DPP9: variants seen among roughly 807,000 people sequenced by gnomAD.
The protein encoded by DPP9 is dipeptidyl peptidase 9.
In DPP9, 50 loss-of-function variants were observed where a neutral mutation model predicts 110.7. That is an observed-to-expected ratio of 0.45 (90% confidence interval 0.36 to 0.57). The LOEUF is 0.57. Ranked by LOEUF, DPP9 falls within the 20% of genes least tolerant of loss-of-function variation. The probability of loss-of-function intolerance (pLI) is 0.00; values close to 1 mark genes in which losing one functional copy is unlikely to be tolerated. For synonymous variants in DPP9, 561 were observed against 514.4 expected, an observed-to-expected ratio of 1.09 and a Z score of -1.23; for missense variants, 1,022 against 1,217.9, an observed-to-expected ratio of 0.84 and a Z score of 2.39.
At position 4,694,788 on chromosome 19, in the gene DPP9, C is replaced by T; in HGVS notation, c.1389G>A (p.Glu463=). 1 of 1,613,900 alleles carries T rather than the reference C, an allele frequency of 6.2e-7. No homozygotes were observed. ...GGAGAAAGCAGAGCTCGTCCTCTCC[C>T]TCTGATTGGGGGAAGGGATAGAAGA... The part of the protein sequence containing the change: ...HDIFYPFPQS[E]GEDELCFLRA... Residue 463 remains glutamate (E), a synonymous_variant, in exon 13 of 22, where the codon GAG becomes GAA. Coordinates refer to ENST00000262960, the MANE Select transcript of DPP9 (RefSeq NM_139159.5). This position sits in a 1 kb window ranked among gnomAD's most constrained non-coding sequence, Gnocchi z 4.0.
chr19:4,691,071 G>A (rs894446497), intron 13 of DPP9, 114 bp from the exon 14 acceptor site: 8 of 774,328 alleles, frequency 1.0e-5, no homozygotes, highest in Non-Finnish European at 8.6e-6. Flanking sequence ...CTGAAACCCC[G>A]GCTTGCTGTG....
intron 4 of DPP9, among the ~76,000 whole-genome samples, chr19:4,713,564 G>A (rs188620983): frequency 3.9e-5 from 6 of 152,350 alleles, no homozygotes; most frequent in South Asian, 2.1e-4. Flanking sequence ...TGCTGTCACC[G>A]GCGGCAAACC....
In DPP9 at chr19:4,685,615, T is replaced by C. The variant is rs778321278; in HGVS notation, c.2031+11A>G. ...GTGGGGTGGGGGCCTGGGGAGCAGG[T>C]GTGCACTCACCTGGGGGCCTCCATA... On this transcript the variant is annotated intron_variant, in intron 17 of 21. Transcript: ENST00000262960. The surrounding 1 kb of genome is among the most constrained non-coding windows in gnomAD (Gnocchi z 5.8). 3.6e-5 allele frequency: 58 copies of C among 1,597,270 alleles called. 1 individual carries two copies. In the Middle Eastern group the frequency reaches 1.2e-3, roughly 32 times the overall value.
At chr19:4,690,218 G>A (rs983836323) in intron 14 of DPP9, among the ~76,000 whole-genome samples, 6 of 152,252 alleles carry the variant, frequency 3.9e-5, no homozygotes, top group Non-Finnish European at 8.8e-5. Context: ...CCTGCACTGC[G>A]TGGAGCAGCG....
intron 2 of DPP9, among the ~76,000 whole-genome samples, chr19:4,720,370 G>A (rs151128951): frequency 6.6e-6 from 1 of 152,178 alleles, no homozygotes; most frequent in African/African-American, 2.4e-5. Context: ...ACACCTGCTC[G>A]CTCCTAGCAC....
Position 4,685,875 on chromosome 19 carries a change from C to T in DPP9, c.1886-104G>A. 1 of 1,344,774 alleles carries T rather than the reference C, an allele frequency of 7.4e-7. No homozygotes were observed. The highest frequency in any genetic ancestry group is 2.5e-4 in the Middle Eastern group (1 of 3,960). 83.3% of individuals were successfully genotyped at this position (1,344,774 alleles called of 1,614,324 possible). ...AGCCTTGGAGGGTGGACCAAAGCAC[C>T]CCCTCTTTTCCTGGGCTTCCCGAGA... is the stretch of plus-strand genomic sequence containing the variant. On this transcript the variant is annotated intron_variant, in intron 16 of 21. Coordinates refer to ENST00000262960, the MANE Select transcript of DPP9 (RefSeq NM_139159.5). This position sits in a 1 kb window ranked among gnomAD's most constrained non-coding sequence, Gnocchi z 5.8.
intron 3 of DPP9, among the ~76,000 whole-genome samples, chr19:4,714,987 T>G (rs1669535919): frequency 6.7e-6 from 1 of 149,588 alleles, no homozygotes; most frequent in Non-Finnish European, 1.5e-5. Flanking sequence ...TCACTTTGCT[T>G]AACTTCTTTG....
intron 21 of DPP9, among the ~76,000 whole-genome samples, chr19:4,678,447 C>G (rs1170922288): frequency 1.3e-5 from 2 of 152,240 alleles, no homozygotes; most frequent in African/African-American, 2.4e-5. Context: ...TTGGCCCCAG[C>G]AGCCTTCAAG....
chr19:4,722,636 G>A (rs2093371277), intron 1 of DPP9, 85 bp from the exon 2 acceptor site: 1 of 696,134 alleles, frequency 1.4e-6, no homozygotes. Flanking sequence ...AGGAGCTGCA[G>A]ACTGTCAGGC....
chr19:4,699,232 G>A (rs920376963), intron 10 of DPP9, among the ~76,000 whole-genome samples: 1 of 149,422 alleles, frequency 6.7e-6, no homozygotes, highest in Non-Finnish European at 1.5e-5. Flanking sequence ...TGTCATTTTT[G>A]CAAGAGCACA....
intron 4 of DPP9, among the ~76,000 whole-genome samples, chr19:4,708,319 C>T (rs2092683523): frequency 6.6e-6 from 1 of 152,216 alleles, no homozygotes; most frequent in Non-Finnish European, 1.5e-5. Context: ...GAAGCCCACC[C>T]TGCACCGAAG....
intron 4 of DPP9, 38 bp from the exon 5 acceptor site, chr19:4,706,008 G>A (rs2092565177): frequency 6.4e-7 from 1 of 1,574,626 alleles, no homozygotes; most frequent in South Asian, 1.1e-5. Flanking sequence ...CGGGTACCCT[G>A]GCTCAGGATG....
Position 4,684,448 on chromosome 19 carries a change from G to T in DPP9, c.2178+215C>A. 1.7e-6 allele frequency: 1 copy of T among 593,476 alleles called. No homozygotes were observed. Among genetic ancestry groups the T allele is most frequent in the Non-Finnish European group, 3.0e-6 (1 of 338,490 alleles). 36.8% of individuals were successfully genotyped at this position (593,476 alleles called of 1,614,324 possible). A position where few individuals can be genotyped will look rare whatever the true frequency, so the allele number is the denominator to read the frequency against. On this transcript the variant is annotated intron_variant, in intron 18 of 21. Transcript: ENST00000262960. The surrounding 1 kb of genome is among the most constrained non-coding windows in gnomAD (Gnocchi z 4.8). ...GTCATCACCAGTGTCAGCACAACTT[G>T]TCTCTGTCCCTGCAGGGCGCAGCCC...
At chr19:4,716,023 T>A (rs1426684944) in intron 3 of DPP9, 1 of 152,236 alleles carries the variant, frequency 6.6e-6, no homozygotes, top group Non-Finnish European at 1.5e-5. Context: ...TGGTCTCGCT[T>A]CCCTTTGTGG....
chr19:4,720,983 T>A (rs932657586), intron 2 of DPP9, among the ~76,000 whole-genome samples: 3 of 152,130 alleles, frequency 2.0e-5, no homozygotes, highest in Non-Finnish European at 4.4e-5. Context: ...GGGACCTTAG[T>A]AGGGCAGAGG....
chr19:4,718,409 C>T lies in DPP9; in HGVS notation c.56+1442G>A, dbSNP rs1289735123. ...AAGAAAGGTGGGAGCCCCTGGCTGG[C>T]GTGGGGCAAGGGGCGTATGGGGGTG... is the stretch of plus-strand genomic sequence containing the variant. On this transcript the variant is annotated intron_variant, in intron 3 of 21. Coordinates refer to ENST00000262960, the MANE Select transcript of DPP9 (RefSeq NM_139159.5). This position sits in a 1 kb window ranked among gnomAD's most constrained non-coding sequence, Gnocchi z 4.3. Among the ~76,000 whole-genome samples the T allele has an allele frequency of 6.6e-6, 1 of 152,122 alleles. No homozygotes were observed. Among genetic ancestry groups the T allele is most frequent in the East Asian group, 1.9e-4 (1 of 5,194 alleles).
At chr19:4,680,037 C>T (rs1350211110) in intron 20 of DPP9, 91 bp from the exon 21 acceptor site, 1 of 877,746 alleles carries the variant, frequency 1.1e-6, no homozygotes, top group African/African-American at 1.7e-5. Flanking sequence ...TGAGACCAGC[C>T]TGGCCAACAT....
chr19:4,692,343 G>A (rs1238463338), intron 13 of DPP9, among the ~76,000 whole-genome samples: 2 of 152,122 alleles, frequency 1.3e-5, no homozygotes, highest in African/African-American at 4.8e-5. Context: ...ACAAGCTACG[G>A]CAAACGTGTC....
intron 3 of DPP9, among the ~76,000 whole-genome samples, chr19:4,716,497 C>T (rs923996005): frequency 8.6e-5 from 13 of 151,958 alleles, no homozygotes; most frequent in South Asian, 2.1e-4. Context: ...ATTAGCCGGG[C>T]GTGGTAGCGG....
Sources: allele counts gnomAD v4.1 joint callset (sites outside exome capture counted in the v4.1 genomes callset), GRCh38; gene constraint gnomAD v4.1.1; non-coding constraint Gnocchi (gnomAD v3.1); transcripts MANE v1.5; gene names NCBI Gene and HGNC (gene_info 2026-07-23, HGNC 2026-07-21).